Variants in RNU5E-1 observed in about 807,000 individuals in gnomAD.
The protein encoded by RNU5E-1 is RNA, U5E small nuclear.
exon 1 of RNU5E-1, chr1:11,908,207 C>G (rs191180006): frequency 6.6e-6 from 1 of 152,198 alleles, no homozygotes; most frequent in East Asian, 1.9e-4. Context: ...TAAAGATTTC[C>G]GTGGAGAGAA....
exon 1 of RNU5E-1, chr1:11,908,266 A>C (rs77216229): frequency 6.6e-6 from 1 of 152,122 alleles, no homozygotes; most frequent in African/African-American, 2.4e-5. Context: ...GTTTCTTAGC[A>C]GGGCTTATTT....
exon 1 of RNU5E-1, chr1:11,908,267 G>C (rs184469195): frequency 6.6e-6 from 1 of 152,066 alleles, no homozygotes; most frequent in Non-Finnish European, 1.5e-5. Context: ...TTTCTTAGCA[G>C]GGCTTATTTT....
exon 1 of RNU5E-1, chr1:11,908,202 A>C (rs373274874): frequency 6.6e-6 from 1 of 152,156 alleles, no homozygotes; most frequent in Non-Finnish European, 1.5e-5. Context: ...TTTACTAAAG[A>C]TTTCCGTGGA....
At chr1:11,908,260 C>CT (rs1557465408) in exon 1 of RNU5E-1, 1 of 82,796 alleles carries the variant, frequency 1.2e-5, no homozygotes, top group Non-Finnish European at 3.0e-5. Flanking sequence ...CCTTGCGTTT[C>CT]TTAGCAGGGC....
At chr1:11,908,201 G>A (rs186413843) in exon 1 of RNU5E-1, 14 of 152,292 alleles carry the variant, frequency 9.2e-5, no homozygotes, top group South Asian at 4.1e-4. Context: ...TTTTACTAAA[G>A]ATTTCCGTGG....
Position 11,908,243 on chromosome 1 carries a change from T to G in RNU5E-1, n.92T>G, listed in dbSNP as rs548037540. Reference sequence around the variant, plus strand: ...ACGAGTGTGAGTCTGAAACCAATTTTTTGAGGCCTTGCGTTTCTTAGCAGG... The same window carrying G: ...ACGAGTGTGAGTCTGAAACCAATTTGTTGAGGCCTTGCGTTTCTTAGCAGG... On this transcript the variant is annotated non_coding_transcript_exon_variant, in exon 1 of 1. Coordinates refer to ENST00000362477, the Ensembl canonical transcript of RNU5E-1. 5.7e-5 allele frequency: 8 copies of G among 139,512 alleles called. No individual in the cohort carries two copies. In the South Asian group the frequency reaches 2.0e-3, roughly 35 times the overall value. 8.6% of individuals were successfully genotyped at this position (139,512 alleles called of 1,614,324 possible).
exon 1 of RNU5E-1, chr1:11,908,174 C>G (rs147049907): frequency 1.6e-4 from 25 of 152,236 alleles, no homozygotes; most frequent in Admixed American, 1.3e-4. Context: ...CTCTTCAAAT[C>G]GTATAAATCT....
At position 11,908,229 on chromosome 1, in the gene RNU5E-1, T is replaced by C. The variant is rs182195160; in HGVS notation, n.78T>C. 5.3e-5 allele frequency: 8 copies of C among 151,038 alleles called. No individual in the cohort carries two copies. In the East Asian group the frequency reaches 5.9e-4, roughly 11 times the overall value. The allele number at this position is 151,038 out of a possible 1,614,324, so 9.4% of individuals were successfully genotyped here. ...TTCCGTGGAGAGAAACGAGTGTGAGTCTGAAACCAATTTTTTGAGGCCTTG... is the reference window on the plus strand; with the variant it reads ...TTCCGTGGAGAGAAACGAGTGTGAGCCTGAAACCAATTTTTTGAGGCCTTG... On this transcript the variant is annotated non_coding_transcript_exon_variant, in exon 1 of 1. Transcript: ENST00000362477.
exon 1 of RNU5E-1, chr1:11,908,194 T>C (rs1274039917): frequency 1.3e-5 from 2 of 152,242 alleles, no homozygotes; most frequent in African/African-American, 4.8e-5. Flanking sequence ...TTTCGCCTTT[T>C]ACTAAAGATT....
chr1:11,908,261 T>G (rs904005904), exon 1 of RNU5E-1: 5 of 151,080 alleles, frequency 3.3e-5, no homozygotes, highest in Non-Finnish European at 7.4e-5. Flanking sequence ...CTTGCGTTTC[T>G]TAGCAGGGCT....
exon 1 of RNU5E-1, chr1:11,908,220 G>C (rs373597040): frequency 2.6e-5 from 4 of 152,018 alleles, no homozygotes; most frequent in South Asian, 2.1e-4. Context: ...GGAGAGAAAC[G>C]AGTGTGAGTC....
At chr1:11,908,238 A>G (rs564063313) in exon 1 of RNU5E-1, 3 of 143,374 alleles carry the variant, frequency 2.1e-5, no homozygotes, top group Admixed American at 7.1e-5. Context: ...GTCTGAAACC[A>G]ATTTTTTGAG....
chr1:11,908,224 G>C (rs115168886), exon 1 of RNU5E-1: 1 of 151,692 alleles, frequency 6.6e-6, no homozygotes, highest in African/African-American at 2.4e-5. Flanking sequence ...AGAAACGAGT[G>C]TGAGTCTGAA....
chr1:11,908,246 G>GA (rs1645395075), exon 1 of RNU5E-1: 1 of 137,700 alleles, frequency 7.3e-6, no homozygotes, highest in African/African-American at 2.5e-5. Flanking sequence ...CCAATTTTTT[G>GA]AGGCCTTGCG....
exon 1 of RNU5E-1, chr1:11,908,211 G>C (rs547678269): frequency 1.3e-5 from 2 of 152,124 alleles, no homozygotes; most frequent in African/African-American, 4.8e-5. Context: ...GATTTCCGTG[G>C]AGAGAAACGA....
chr1:11,908,266 A>T (rs77216229), exon 1 of RNU5E-1: 1 of 152,122 alleles, frequency 6.6e-6, no homozygotes, highest in African/African-American at 2.4e-5. Flanking sequence ...GTTTCTTAGC[A>T]GGGCTTATTT....
At chr1:11,908,155 C>A (rs148867611) in exon 1 of RNU5E-1, 1 of 152,144 alleles carries the variant, frequency 6.6e-6, no homozygotes. Flanking sequence ...TGATGTTATA[C>A]TCTGGTTTCT....
Sources: gnomAD v4.1 joint callset for allele counts on GRCh38, gnomAD v4.1.1 for gene constraint, MANE v1.5 for transcripts, NCBI Gene and HGNC (gene_info 2026-07-23, HGNC 2026-07-21) for gene names.